CRIM1: variants seen among roughly 807,000 people sequenced by gnomAD.
CRIM1 encodes the protein cysteine rich transmembrane BMP regulator 1.
A neutral mutation model predicts 116.4 loss-of-function variants in CRIM1; 32 were observed. That is an observed-to-expected ratio of 0.27 (90% confidence interval 0.21 to 0.37). The LOEUF is 0.37. Among genes scored for constraint, CRIM1 ranks in the 10% least tolerant of loss-of-function variants. The pLI is 1.00. For synonymous variants in CRIM1, 590 were observed against 509.2 expected, an observed-to-expected ratio of 1.16 and a Z score of -2.13; for missense variants, 1,331 against 1,354.8, an observed-to-expected ratio of 0.98 and a Z score of 0.28.
chr2:36,434,837 C>G (rs2124913866), intron 2 of CRIM1, among the ~76,000 whole-genome samples: 1 of 152,168 alleles, frequency 6.6e-6, no homozygotes, highest in South Asian at 2.1e-4. Flanking sequence ...GCTTTAGAGC[C>G]ATCATTTTTG....
chr2:36,419,674 C>T (rs1673905579), intron 2 of CRIM1, among the ~76,000 whole-genome samples: 1 of 152,304 alleles, frequency 6.6e-6, no homozygotes, highest in Non-Finnish European at 1.5e-5. Flanking sequence ...ATTTCTGAAG[C>T]TTATGTTAGA....
At chr2:36,507,455 A>AC (rs1449222221) in intron 8 of CRIM1, among the ~76,000 whole-genome samples, 1 of 152,204 alleles carries the variant, frequency 6.6e-6, no homozygotes, top group African/African-American at 2.4e-5. Flanking sequence ...GTTGTTGAAT[A>AC]CCCACTCTGT....
intron 2 of CRIM1, among the ~76,000 whole-genome samples, chr2:36,406,984 G>T (rs1672857352): frequency 6.6e-6 from 1 of 152,082 alleles, no homozygotes; most frequent in Admixed American, 6.6e-5. Context: ...CAGAGGATCT[G>T]GAATTCCCTT....
At position 36,476,894 on chromosome 2, in the gene CRIM1, A is replaced by G; in HGVS notation, c.997A>G (p.Lys333Glu). ...CDVFECVNDT[K>E]PACVFNNVEY... ...TTTGTTTTAACTCTTTTCAGATACAAAGCCAGCCTGCGTATTTAACAATGT... is the reference window on the plus strand; with the variant it reads ...TTTGTTTTAACTCTTTTCAGATACAGAGCCAGCCTGCGTATTTAACAATGT... Residue 333 changes from lysine (K) to glutamate (E), a missense_variant, in exon 6 of 17, where the codon AAG (lysine) becomes GAG (glutamate). Around this residue, in one of 3 missense-constraint regions of CRIM1, gnomAD observed 690 missense variants for 676.0 expected, o/e 1.02. Coordinates refer to ENST00000280527, the MANE Select transcript of CRIM1 (RefSeq NM_016441.3). 1.2e-6 allele frequency: 2 copies of G among 1,611,226 alleles called. No individual in the cohort carries two copies. Among genetic ancestry groups the G allele is most frequent in the Non-Finnish European group, 1.7e-6 (2 of 1,178,598 alleles).
In CRIM1 at chr2:36,377,859, C is replaced by T. The variant is rs141485274; in HGVS notation, c.332-18755C>T. Among the ~76,000 whole-genome samples the T allele has an allele frequency of 4.0e-3, 616 of 152,278 alleles. 3 individuals carry two copies. Among genetic ancestry groups the T allele is most frequent in the African/African-American group, 0.014 (567 of 41,542 alleles). On this transcript the variant is annotated intron_variant, in intron 1 of 16. Transcript: ENST00000280527. ...CCTGAAGACATTTACTCCCTGGCTG[C>T]TGGCAGGGGAGTAGAATGTTCCAAA...
At chr2:36,439,656 C>G (rs371395671) in intron 2 of CRIM1, among the ~76,000 whole-genome samples, 17 of 152,140 alleles carry the variant, frequency 1.1e-4, no homozygotes, top group East Asian at 9.7e-4. Flanking sequence ...GTGGCTCGTC[C>G]CCTCACTCCT....
chr2:36,387,164 C>T (rs4670551), intron 1 of CRIM1, among the ~76,000 whole-genome samples: 82,497 of 151,944 alleles, frequency 0.54, 23,116 homozygotes, highest in East Asian at 0.69. Context: ...CTGGGTGTTA[C>T]TTACATTAAA....
At chr2:36,461,828 G>A (rs1677602295) in intron 4 of CRIM1, among the ~76,000 whole-genome samples, 2 of 152,136 alleles carry the variant, frequency 1.3e-5, no homozygotes, top group African/African-American at 2.4e-5. Context: ...TGACCATTTC[G>A]AACTGCAAAA....
chr2:36,430,211 T>G (rs986980335), intron 2 of CRIM1, among the ~76,000 whole-genome samples: 8 of 152,156 alleles, frequency 5.3e-5, no homozygotes, highest in Non-Finnish European at 1.2e-4. Context: ...TCCACCTACC[T>G]CTGCTTGGGA....
At chr2:36,406,275 A>G (rs182783507) in intron 2 of CRIM1, among the ~76,000 whole-genome samples, 1 of 152,230 alleles carries the variant, frequency 6.6e-6, no homozygotes, top group Admixed American at 6.5e-5. Flanking sequence ...TGGAGGGAGG[A>G]TGGAAATGGG....
chr2:36,356,817 G>T lies in CRIM1; in HGVS notation c.331+194G>T, dbSNP rs1668846777. On this transcript the variant is annotated intron_variant, in intron 1 of 16. Coordinates refer to ENST00000280527, the MANE Select transcript of CRIM1 (RefSeq NM_016441.3). This position sits in a 1 kb window ranked among gnomAD's most constrained non-coding sequence, Gnocchi z 4.3. The stretch of plus-strand genomic sequence containing the variant: ...CCTTGTTCCCCCCGACGCTTAGGCA[G>T]TCGCGGGCGAGGTTGGGTATGGTGG... Among the ~76,000 whole-genome samples the T allele has an allele frequency of 2.0e-5, 3 of 152,258 alleles. No homozygotes were observed.
chr2:36,513,680 G>T lies in CRIM1; in HGVS notation c.1905G>T (p.Arg635=). 1 of 1,614,244 alleles carries T rather than the reference G, an allele frequency of 6.2e-7. No homozygotes were observed. Among genetic ancestry groups the T allele is most frequent in the Non-Finnish European group, 8.5e-7 (1 of 1,180,040 alleles). Residue 635 remains arginine, a synonymous_variant, in exon 11 of 17, where the codon CGG becomes CGT. Transcript: ENST00000280527. ...GGGAATGCTACTGTCTCAATGGACG[G>T]GAAATGTGTGCCCTGATCACCTGCC... is the stretch of plus-strand genomic sequence containing the variant. ...GCRECYCLNG[R]EMCALITCPV... is the part of the protein sequence containing the mutation.
At chr2:36,463,747 G>A (rs142178837) in intron 4 of CRIM1, among the ~76,000 whole-genome samples, 43 of 152,208 alleles carry the variant, frequency 2.8e-4, no homozygotes, top group African/African-American at 7.2e-4. Context: ...TTTTGCAGCA[G>A]CATCGAAGTT....
At chr2:36,506,157 A>ACACACT (rs1397944202) in intron 8 of CRIM1, among the ~76,000 whole-genome samples, 5 of 125,278 alleles carry the variant, frequency 4.0e-5, no homozygotes, top group South Asian at 2.8e-4. Context: ...ACACACACAC[A>ACACACT]CTCTCTCTCT....
At chr2:36,397,845 C>T (rs922264914) in intron 2 of CRIM1, among the ~76,000 whole-genome samples, 9 of 152,100 alleles carry the variant, frequency 5.9e-5, no homozygotes, top group Non-Finnish European at 1.0e-4. Flanking sequence ...ATAACATTTG[C>T]GAATTGCAGA....
chr2:36,491,986 A>G (rs988937990), intron 7 of CRIM1, among the ~76,000 whole-genome samples: 1 of 152,150 alleles, frequency 6.6e-6, no homozygotes, highest in Non-Finnish European at 1.5e-5. Context: ...ATTCCTGGAA[A>G]AAGATACCCC....
chr2:36,490,766 C>T (rs916835324), intron 7 of CRIM1, among the ~76,000 whole-genome samples: 1 of 152,158 alleles, frequency 6.6e-6, no homozygotes, highest in Non-Finnish European at 1.5e-5. Context: ...ACCCACTCTC[C>T]CATCCTGTCA....
chr2:36,410,014 A>G (rs1294920529), intron 2 of CRIM1, among the ~76,000 whole-genome samples: 2 of 152,218 alleles, frequency 1.3e-5, no homozygotes, highest in Non-Finnish European at 2.9e-5. Flanking sequence ...AGGTAGGGAT[A>G]TACTCTTACA....
intron 5 of CRIM1, 58 bp downstream of exon 5, chr2:36,464,713 G>A (rs1677862763): frequency 1.3e-6 from 2 of 1,590,102 alleles, no homozygotes; most frequent in Non-Finnish European, 1.7e-6. Flanking sequence ...GAGGAGGAGG[G>A]AGGGTTCAAC....
Sources: allele counts gnomAD v4.1 joint callset (sites outside exome capture counted in the v4.1 genomes callset), GRCh38; gene constraint gnomAD v4.1.1; regional missense constraint gnomAD v4.1.1; non-coding constraint Gnocchi (gnomAD v3.1); transcripts MANE v1.5; gene names NCBI Gene and HGNC (gene_info 2026-07-23, HGNC 2026-07-21).